LRIT1: variants seen among roughly 807,000 people sequenced by gnomAD.
LRIT1 encodes the protein leucine rich repeat, Ig-like and transmembrane domains 1, also known as leucine-rich repeat, immunoglobulin-like domain and transmembrane domain-containing protein 1.
A neutral mutation model predicts 24.0 loss-of-function variants in LRIT1; 23 were observed. That is an observed-to-expected ratio of 0.96 (90% CI 0.69 to 1.36). The LOEUF (loss-of-function observed/expected upper bound fraction) is 1.36. Ranked by LOEUF, LRIT1 falls within the 40% of genes most tolerant of loss-of-function variation. The pLI, the probability that LRIT1 is intolerant of heterozygous loss-of-function variation, is 0.00. For synonymous variants in LRIT1, 361 were observed against 340.5 expected, an observed-to-expected ratio of 1.06 and a Z score of -0.66; for missense variants, 846 against 806.3, an observed-to-expected ratio of 1.05 and a Z score of -0.60.
At chr10:84,240,464 C>T (rs907542531) in intron 1 of LRIT1, among the ~76,000 whole-genome samples, 1 of 152,184 alleles carries the variant, frequency 6.6e-6, no homozygotes, top group African/African-American at 2.4e-5. Flanking sequence ...ACATTGTTCC[C>T]AGGATCAGAA....
intron 1 of LRIT1, among the ~76,000 whole-genome samples, 177 bp from the exon 2 acceptor site, chr10:84,237,863 C>T (rs1842665294): frequency 1.3e-5 from 2 of 152,176 alleles, no homozygotes; most frequent in Admixed American, 6.5e-5. Flanking sequence ...CTACTTTTCC[C>T]TTTGCAGAGG....
chr10:84,232,094 CTG>C lies in LRIT1; in HGVS notation c.1703_1704del (p.Thr568SerfsTer28). ...KCFNKDSTEA[T>X]VTYVNLERLG... ...AGTCTCTCTAGGTTGACGTAGGTAA[CTG>C]TGGCCTCAGTGGAGTCCTTGTTGAA... On this transcript the variant is annotated frameshift_variant, in exon 4 of 4. Transcript: ENST00000372105. LOFTEE classifies it low-confidence loss of function (END_TRUNC). 2 of 1,614,190 alleles carry C rather than the reference CTG, an allele frequency of 1.2e-6. No individual in the cohort carries two copies. Among genetic ancestry groups the C allele is most frequent in the Non-Finnish European group, 1.7e-6 (2 of 1,180,024 alleles).
intron 1 of LRIT1, among the ~76,000 whole-genome samples, chr10:84,240,826 T>A (rs1842685572): frequency 6.6e-6 from 1 of 151,922 alleles, no homozygotes; most frequent in African/African-American, 2.4e-5. Flanking sequence ...AGGAAGAGAA[T>A]GAGAGGCAAG....
At chr10:84,236,361 T>C (rs910485123) in intron 2 of LRIT1, among the ~76,000 whole-genome samples, 1 of 151,582 alleles carries the variant, frequency 6.6e-6, no homozygotes. Flanking sequence ...TACCAAATAA[T>C]GGAAACAATG....
chr10:84,240,012 G>A lies in LRIT1; in HGVS notation c.122+1306C>T, dbSNP rs12049676. Among the ~76,000 whole-genome samples the A allele has an allele frequency of 6.2e-3, 951 of 152,320 alleles. 51 individuals carry two copies. The East Asian group carries it at 0.13, about 21-fold the overall frequency. On this transcript the variant is annotated intron_variant, in intron 1 of 3. Coordinates refer to ENST00000372105, the MANE Select transcript of LRIT1 (RefSeq NM_015613.3). ...GGAATGCCCACTGACTTACATTAGCGGCCCTAGAAACTCATTTTCCATCTT... is the reference window on the plus strand; with the variant it reads ...GGAATGCCCACTGACTTACATTAGCAGCCCTAGAAACTCATTTTCCATCTT...
chr10:84,232,749 A>T lies in LRIT1; in HGVS notation c.1050T>A (p.Thr350=), dbSNP rs767557087. The change falls in exon 4 of 4, where the codon ACT becomes ACA. Residue 350 remains threonine, a synonymous_variant. Coordinates refer to ENST00000372105, the MANE Select transcript of LRIT1 (RefSeq NM_015613.3). The part of the protein sequence containing the change: ...VISLIVTEPP[T]STEHSGSPGA... ...CTGGGCTCCCACTGTGTTCTGTGGAAGTCGGTGGCTCAGTGACAATCAAGG... is the reference window on the plus strand; with the variant it reads ...CTGGGCTCCCACTGTGTTCTGTGGATGTCGGTGGCTCAGTGACAATCAAGG... 6.2e-7 allele frequency: 1 copy of T among 1,614,080 alleles called. No homozygotes were observed. The highest frequency in any genetic ancestry group is 8.5e-7 in the Non-Finnish European group (1 of 1,180,018).
rs1370372963 is a variant in LRIT1, at chr10:84,240,608, C to G, written c.122+710G>C. Among the ~76,000 whole-genome samples, 3 of 152,074 alleles carry G rather than the reference C, an allele frequency of 2.0e-5. No homozygotes were observed. The East Asian group carries it at 5.8e-4, about 29-fold the overall frequency. ...TGGAAGAGCAAGGGTCCACAAGCCACAGTGGCATGGGAATGTCCCATGAAA... is the reference window on the plus strand; with the variant it reads ...TGGAAGAGCAAGGGTCCACAAGCCAGAGTGGCATGGGAATGTCCCATGAAA... On this transcript the variant is annotated intron_variant, in intron 1 of 3. Coordinates refer to ENST00000372105, the MANE Select transcript of LRIT1 (RefSeq NM_015613.3).
intron 2 of LRIT1, 64 bp from the exon 3 acceptor site, chr10:84,234,442 C>A: frequency 7.5e-7 from 1 of 1,328,550 alleles, no homozygotes; most frequent in Non-Finnish European, 1.0e-6. Flanking sequence ...GGCCCAGCAC[C>A]CCTTCCCCTC....
intron 3 of LRIT1, among the ~76,000 whole-genome samples, chr10:84,233,610 T>C (rs1051456873): frequency 2.6e-5 from 4 of 152,118 alleles, no homozygotes; most frequent in Non-Finnish European, 5.9e-5. Flanking sequence ...AGAAGGAAAA[T>C]TGGGTTGCTC....
chr10:84,232,966 A>G, intron 3 of LRIT1, 63 bp from the exon 4 acceptor site: 2 of 1,545,044 alleles, frequency 1.3e-6, no homozygotes, highest in South Asian at 1.2e-5. Flanking sequence ...GCTGCCTTTC[A>G]GGGCCAAGTT....
In LRIT1 at chr10:84,237,334, A is replaced by G. The variant is rs1842657201; in HGVS notation, c.475T>C (p.Phe159Leu). 1.3e-6 allele frequency: 2 copies of G among 1,550,760 alleles called. No homozygotes were observed. The part of the protein sequence containing the change: ...EAARFLENLT[F>L]LDLSSNQLMR... Reference sequence around the variant, plus strand: ...AGCTGGTTGCTGGAGAGGTCGAGGAAGGTGAGGTTCTCCAGGAAGCGCGCG... The same window carrying G: ...AGCTGGTTGCTGGAGAGGTCGAGGAGGGTGAGGTTCTCCAGGAAGCGCGCG... Residue 159 changes from phenylalanine to leucine, a missense_variant, in exon 2 of 4, where the codon TTC (phenylalanine) becomes CTC (leucine). Transcript: ENST00000372105.
Position 84,232,590 on chromosome 10 carries a change from C to T in LRIT1, c.1209G>A (p.Glu403=). 2.5e-6 allele frequency: 4 copies of T among 1,614,052 alleles called. No homozygotes were observed. Among genetic ancestry groups the T allele is most frequent in the Non-Finnish European group, 3.4e-6 (4 of 1,179,924 alleles). The change falls in exon 4 of 4, where the codon GAG becomes GAA. Residue 403 remains glutamate, a synonymous_variant. Coordinates refer to ENST00000372105, the MANE Select transcript of LRIT1 (RefSeq NM_015613.3). ...TCTGGAAGTGCTCAAGGGTCAGCTC[C>T]TCCTTTGTGCTGGGCACAGAGGGTC... ...ATGPSVPSTK[E]ELTLEHFQMD...
rs149261933 is a variant in LRIT1, at chr10:84,234,148, G to T, written c.820C>A (p.Arg274Ser). The change falls in exon 3 of 4, where the codon CGC (arginine) becomes AGC (serine). Residue 274 changes from arginine to serine, a missense_variant. Physicochemically the swap from Arg to Ser is moderately radical, Grantham distance 110. Coordinates refer to ENST00000372105, the MANE Select transcript of LRIT1 (RefSeq NM_015613.3). ...RSLLGGTALL[R>S]CGATGVPGPE... The stretch of plus-strand genomic sequence containing the variant: ...CCAGGGACTCCAGTAGCTCCACAGC[G>T]TAGCAGTGCTGTGCCACCCAAAAGG... The T allele has an allele frequency of 1.3e-4, 204 of 1,612,868 alleles. 2 individuals carry two copies. In the East Asian group the frequency reaches 3.4e-3, roughly 27 times the overall value.
At position 84,231,875 on chromosome 10, in the gene LRIT1, G is replaced by A. The variant is rs41314473; in HGVS notation, c.*52C>T. ...GGTGATCGTGTACTCAGGTGTCAGA[G>A]CTAAAGAAGGAGCGTGGGCAGGCAG... is the stretch of plus-strand genomic sequence containing the variant. On this transcript the variant is annotated 3_prime_UTR_variant, in exon 4 of 4. Transcript: ENST00000372105. The A allele has an allele frequency of 0.061, 94,995 of 1,549,936 alleles. 3,153 individuals are homozygous for A. The highest frequency in any genetic ancestry group is 0.086 in the Middle Eastern group (498 of 5,790).
chr10:84,235,299 C>A (rs1279939389), intron 2 of LRIT1, among the ~76,000 whole-genome samples: 3 of 152,092 alleles, frequency 2.0e-5, no homozygotes, highest in Non-Finnish European at 4.4e-5. Flanking sequence ...CCCACGGGTG[C>A]CAGTTCCTTT....
intron 1 of LRIT1, among the ~76,000 whole-genome samples, chr10:84,240,595 GGT>G (rs1842683993): frequency 6.6e-6 from 1 of 152,160 alleles, no homozygotes; most frequent in South Asian, 2.1e-4. Context: ...GAAGAGCAAG[GGT>G]CCACAAGCCA....
chr10:84,234,059 T>C lies in LRIT1; in HGVS notation c.895+14A>G, dbSNP rs759254210. ...GTCTAGGTTCTCAGTGCAGCATCCC[T>C]GTAGCTCACATACCTGTACCATTAA... On this transcript the variant is annotated intron_variant, in intron 3 of 3. Transcript: ENST00000372105. The C allele has an allele frequency of 2.7e-6, 4 of 1,486,722 alleles. No homozygotes were observed. Among genetic ancestry groups the C allele is most frequent in the Non-Finnish European group, 3.6e-6 (4 of 1,120,024 alleles). 92.1% of individuals were successfully genotyped at this position (1,486,722 alleles called of 1,614,324 possible). A position where few individuals can be genotyped will look rare whatever the true frequency, so the allele number is the denominator to read the frequency against.
Position 84,234,114 on chromosome 10 carries a change from A to T in LRIT1, c.854T>A (p.Met285Lys), listed in dbSNP as rs781262544. The T allele has an allele frequency of 7.6e-6, 12 of 1,587,106 alleles. No homozygotes were observed. Among genetic ancestry groups the T allele is most frequent in the South Asian group, 4.6e-5 (4 of 86,940 alleles). Residue 285 changes from methionine to lysine, a missense_variant, in exon 3 of 4, where the codon ATG (methionine) becomes AAG (lysine). Transcript: ENST00000372105. ...CGATGVPGPE[M>K]SWRRANGRPL... ...CCTGCCATTGGCCCTCCTCCAGCTC[A>T]TCTCGGGCCCAGGGACTCCAGTAGC...
intron 2 of LRIT1, 36 bp from the exon 3 acceptor site, chr10:84,234,414 A>G: frequency 6.8e-7 from 1 of 1,479,926 alleles, no homozygotes; most frequent in Non-Finnish European, 9.1e-7. Context: ...ATATTCAGAT[A>G]GATACTCAAC....
Sources: allele counts gnomAD v4.1 joint callset (sites outside exome capture counted in the v4.1 genomes callset), GRCh38; gene constraint gnomAD v4.1.1; transcripts MANE v1.5; gene names NCBI Gene and HGNC (gene_info 2026-07-23, HGNC 2026-07-21).